The following PRKCH variants were observed in gnomAD, a reference collection of about 807,000 sequenced individuals.
The protein encoded by PRKCH is protein kinase C eta, also known as protein kinase C eta type.
A neutral mutation model predicts 82.5 loss-of-function variants in PRKCH; 28 were observed. The ratio of observed to expected loss-of-function variants is 0.34; its 90% CI spans 0.25 to 0.47. The LOEUF (loss-of-function observed/expected upper bound fraction) is 0.47, where lower values mean the gene tolerates loss of function less well. Ranked by LOEUF, PRKCH falls within the 20% of genes least tolerant of loss-of-function variation. PRKCH has a pLI of 1.00. For synonymous variants in PRKCH, 322 were observed against 327.4 expected, an observed-to-expected ratio of 0.98 and a Z score of 0.18; for missense variants, 705 against 881.8, an observed-to-expected ratio of 0.80 and a Z score of 2.54.
intron 1 of PRKCH, among the ~76,000 whole-genome samples, chr14:61,381,629 C>A (rs1477300472): frequency 6.6e-6 from 1 of 152,256 alleles, no homozygotes; most frequent in African/African-American, 2.4e-5. Context: ...GCTGCATTTT[C>A]CCTGCCCCAG....
intron 2 of PRKCH, among the ~76,000 whole-genome samples, chr14:61,407,173 A>G (rs1741974791): frequency 6.6e-6 from 1 of 152,232 alleles, no homozygotes; most frequent in Non-Finnish European, 1.5e-5. Flanking sequence ...ATCAGAGACT[A>G]TTCTCATGCT....
intron 1 of PRKCH, among the ~76,000 whole-genome samples, chr14:61,208,744 T>G (rs1473912354): frequency 6.6e-6 from 1 of 152,220 alleles, no homozygotes; most frequent in African/African-American, 2.4e-5. Context: ...CTTAAAGCAC[T>G]ATTGACTTTA....
intron 1 of PRKCH, among the ~76,000 whole-genome samples, chr14:61,215,126 A>G (rs1178622437): frequency 1.3e-5 from 2 of 152,202 alleles, no homozygotes; most frequent in Non-Finnish European, 2.9e-5. Flanking sequence ...GGTTCATTGC[A>G]TCTCTCAGCT....
intron 10 of PRKCH, among the ~76,000 whole-genome samples, chr14:61,524,252 C>T (rs1003941305): frequency 3.9e-5 from 6 of 152,338 alleles, no homozygotes; most frequent in South Asian, 4.1e-4. Flanking sequence ...TGTCTTCAAT[C>T]ACTTGGGAAT....
Position 61,280,380 on chromosome 14 carries a change from C to G in PRKCH, c.-19+92712C>G, listed in dbSNP as rs758097324. On this transcript the variant is annotated intron_variant, in intron 1 of 3. Transcript: ENST00000555185. The surrounding 1 kb of genome is among the most constrained non-coding windows in gnomAD (Gnocchi z 5.0). ...GTTTGCGGAACGTGGGCAGCGCCGCCGTGCGCATCCACACCACGAAGTCCT... is the reference window on the plus strand; with the variant it reads ...GTTTGCGGAACGTGGGCAGCGCCGCGGTGCGCATCCACACCACGAAGTCCT... 3 of 1,614,008 alleles carry G rather than the reference C, an allele frequency of 1.9e-6. No individual in the cohort carries two copies. The highest frequency in any genetic ancestry group is 2.5e-6 in the Non-Finnish European group (3 of 1,179,896).
intron 9 of PRKCH, among the ~76,000 whole-genome samples, chr14:61,461,097 T>G (rs1885009364): frequency 6.6e-6 from 1 of 152,140 alleles, no homozygotes; most frequent in South Asian, 2.1e-4. Flanking sequence ...TCCCTTCCCC[T>G]CTGCTCCTCA....
At position 61,469,748 on chromosome 14, in the gene PRKCH, C is replaced by CT. The variant is rs1465049826; in HGVS notation, c.1278+12070dup. Among the ~76,000 whole-genome samples, 3 of 152,324 alleles carry CT rather than the reference C, an allele frequency of 2.0e-5. No individual in the cohort carries two copies. In the East Asian group the frequency reaches 5.8e-4, roughly 29 times the overall value. On this transcript the variant is annotated intron_variant, in intron 9 of 13. Coordinates refer to ENST00000332981, the MANE Select transcript of PRKCH (RefSeq NM_006255.5). ...CTAGGTCCGGAATTATCCACAGCAT[C>CT]TCATGAGCAGAAACAGCCATGTCAA... is the stretch of plus-strand genomic sequence containing the variant.
intron 1 of PRKCH, among the ~76,000 whole-genome samples, chr14:61,374,742 C>T (rs182158208): frequency 4.4e-4 from 67 of 152,076 alleles, no homozygotes; most frequent in Non-Finnish European, 7.9e-4. Context: ...GGGCCCTAGG[C>T]TTGGCCCCCA....
At chr14:61,217,210 G>A (rs994648415) in intron 1 of PRKCH, among the ~76,000 whole-genome samples, 1 of 152,144 alleles carries the variant, frequency 6.6e-6, no homozygotes, top group Non-Finnish European at 1.5e-5. Flanking sequence ...ACAAGATGGT[G>A]AGTCTCTCCC....
chr14:61,350,786 TA>T (rs951788828), intron 1 of PRKCH, among the ~76,000 whole-genome samples: 2 of 152,230 alleles, frequency 1.3e-5, no homozygotes, highest in African/African-American at 4.8e-5. Context: ...GACCCTCATC[TA>T]ACCCAGACTA....
chr14:61,547,815 C>A lies in PRKCH; in HGVS notation c.1834C>A (p.Pro612Thr). ...QGGEHAILRH[P>T]FFKEIDWAQL... Reference sequence around the variant, plus strand: ...AGGCGAGCACGCCATCTTGAGACATCCTTTTTTTAAGGAAATCGACTGGGC... The same window carrying A: ...AGGCGAGCACGCCATCTTGAGACATACTTTTTTTAAGGAAATCGACTGGGC... The change falls in exon 13 of 14, where the codon CCT (proline) becomes ACT (threonine). Residue 612 changes from proline (P) to threonine (T), a missense_variant. Coordinates refer to ENST00000332981, the MANE Select transcript of PRKCH (RefSeq NM_006255.5). The A allele has an allele frequency of 1.2e-6, 2 of 1,614,204 alleles. No individual in the cohort carries two copies. The highest frequency in any genetic ancestry group is 1.7e-6 in the Non-Finnish European group (2 of 1,180,032).
At chr14:61,395,293 C>CCG (rs1555383086) in intron 2 of PRKCH, among the ~76,000 whole-genome samples, 3 of 144,872 alleles carry the variant, frequency 2.1e-5, no homozygotes, top group South Asian at 4.8e-4. Context: ...AAATGGAGCC[C>CCG]CCCCCCGCAT....
intron 10 of PRKCH, among the ~76,000 whole-genome samples, chr14:61,526,203 CA>C (rs1413119773): frequency 1.3e-5 from 2 of 152,196 alleles, no homozygotes; most frequent in African/African-American, 2.4e-5. Flanking sequence ...TTCCACAAAT[CA>C]GCCCACTGAA....
chr14:61,385,936 G>T (rs1397459693), intron 1 of PRKCH, among the ~76,000 whole-genome samples: 2 of 152,142 alleles, frequency 1.3e-5, no homozygotes, highest in Admixed American at 6.5e-5. Context: ...TATACAGGTG[G>T]GTCTTGAATT....
At chr14:61,356,460 T>C (rs1194385073) in intron 1 of PRKCH, among the ~76,000 whole-genome samples, 1 of 152,182 alleles carries the variant, frequency 6.6e-6, no homozygotes, top group Non-Finnish European at 1.5e-5. Context: ...TTCTGTGAAA[T>C]CTGAGAGCCA....
At chr14:61,218,649 T>C (rs567894025) in intron 1 of PRKCH, among the ~76,000 whole-genome samples, 1 of 152,308 alleles carries the variant, frequency 6.6e-6, no homozygotes. Context: ...AAAAAAAGTC[T>C]TTAAAATTTT....
intron 6 of PRKCH, among the ~76,000 whole-genome samples, chr14:61,452,278 G>C (rs7151436): frequency 0.043 from 6,483 of 152,146 alleles, 467 homozygotes; most frequent in African/African-American, 0.15. Context: ...CTCTCTCAAG[G>C]GCACCTTCCA....
At chr14:61,510,055 C>T (rs998059777) in intron 10 of PRKCH, among the ~76,000 whole-genome samples, 2 of 152,076 alleles carry the variant, frequency 1.3e-5, no homozygotes, top group South Asian at 2.1e-4. Context: ...GTAGACATAG[C>T]GACAGGGACA....
chr14:61,489,511 G>A (rs796738037), intron 10 of PRKCH, among the ~76,000 whole-genome samples: 2 of 152,196 alleles, frequency 1.3e-5, no homozygotes, highest in African/African-American at 4.8e-5. Flanking sequence ...GTATTCACTT[G>A]TATTTTGTGG....
Sources: gnomAD v4.1 joint callset for allele counts (sites outside exome capture counted in the v4.1 genomes callset) on GRCh38, gnomAD v4.1.1 for gene constraint, Gnocchi (gnomAD v3.1) non-coding constraint, MANE v1.5 for transcripts, NCBI Gene and HGNC (gene_info 2026-07-23, HGNC 2026-07-21) for gene names.